Variants in GDF6 observed in about 807,000 individuals in gnomAD.
GDF6 encodes the protein growth differentiation factor 6.
In GDF6, 3 loss-of-function variants were observed where a neutral mutation model predicts 32.4. The ratio of observed to expected loss-of-function variants is 0.09; its 90% CI spans 0.04 to 0.24. The LOEUF (loss-of-function observed/expected upper bound fraction) is 0.24, where lower values mean the gene tolerates loss of function less well. Among genes scored for constraint, GDF6 ranks in the 10% least tolerant of loss-of-function variants. GDF6 has a pLI of 1.00. For missense variants in GDF6, 589 were observed against 637.9 expected, an observed-to-expected ratio of 0.92 and a Z score of 0.83; for synonymous variants, 296 against 295.3, an observed-to-expected ratio of 1.00 and a Z score of -0.03.
intron 1 of GDF6, among the ~76,000 whole-genome samples, chr8:96,157,877 C>T (rs543957889): frequency 5.9e-5 from 9 of 152,244 alleles, no homozygotes; most frequent in Non-Finnish European, 1.3e-4. Context: ...GCCGGTGACA[C>T]ATCAAATCAA....
intron 1 of GDF6, among the ~76,000 whole-genome samples, chr8:96,153,751 G>A (rs1292360748): frequency 6.6e-6 from 1 of 152,156 alleles, no homozygotes; most frequent in African/African-American, 2.4e-5. Flanking sequence ...GGGGGCGAGG[G>A]TTCAAACTGG....
intron 1 of GDF6, among the ~76,000 whole-genome samples, chr8:96,154,661 C>G (rs938611300): frequency 6.6e-6 from 1 of 152,130 alleles, no homozygotes; most frequent in Non-Finnish European, 1.5e-5. Flanking sequence ...GAGGGGTTAT[C>G]GAACTAATGG....
At chr8:96,146,723 GAGAT>G (rs1812492229) in intron 1 of GDF6, among the ~76,000 whole-genome samples, 2 of 140,802 alleles carry the variant, frequency 1.4e-5, no homozygotes, top group Admixed American at 6.9e-5. Context: ...GAGAGAGAGA[GAGAT>G]AGAGAGACTT....
chr8:96,157,666 C>A (rs1405030839), intron 1 of GDF6, among the ~76,000 whole-genome samples: 1 of 152,164 alleles, frequency 6.6e-6, no homozygotes. Context: ...GGGGTTGGCG[C>A]GGTTAAGAGC....
At chr8:96,156,833 G>A (rs1208085723) in intron 1 of GDF6, among the ~76,000 whole-genome samples, 1 of 152,176 alleles carries the variant, frequency 6.6e-6, no homozygotes, top group African/African-American at 2.4e-5. Flanking sequence ...ACAAATATTA[G>A]ACTGGGGGAA....
At position 96,160,397 on chromosome 8, in the gene GDF6, A is replaced by T. The variant is rs779321709; in HGVS notation, c.296T>A (p.Leu99Gln). The change falls in exon 1 of 2, where the codon CTG becomes CAG. Residue 99 changes from leucine to glutamine, a missense_variant. Transcript: ENST00000287020. ...GATGGAGTAAGTCCTGTAGATTGAC[A>T]GCATGTACTCGTGGGGCACCACGCG... ...GPRVVPHEYM[L>Q]SIYRTYSIAE... 1 of 1,614,188 alleles carries T rather than the reference A, an allele frequency of 6.2e-7. No individual in the cohort carries two copies. Among genetic ancestry groups the T allele is most frequent in the South Asian group, 1.1e-5 (1 of 91,090 alleles).
chr8:96,144,683 C>G lies in GDF6; in HGVS notation c.1248G>C (p.Pro416=), dbSNP rs1358569869. ...LMNSMDPGST[P]PSCCVPTKLT... is the part of the protein sequence containing the mutation. ...ATTTGGTGGGCACGCAGCAGCTGGG[C>G]GGGGTGGAGCCGGGGTCCATGGAGT... is the stretch of plus-strand genomic sequence containing the variant. The change falls in exon 2 of 2, where the codon CCG becomes CCC. Residue 416 remains proline, a synonymous_variant. Transcript: ENST00000287020. This position sits in a 1 kb window ranked among gnomAD's most constrained non-coding sequence, Gnocchi z 5.1. 6.2e-7 allele frequency: 1 copy of G among 1,613,986 alleles called. No individual in the cohort carries two copies. Among genetic ancestry groups the G allele is most frequent in the Non-Finnish European group, 8.5e-7 (1 of 1,180,022 alleles).
Position 96,160,588 on chromosome 8 carries a change from G to T in GDF6, c.105C>A (p.Ala35=). 5.0e-6 allele frequency: 8 copies of T among 1,613,704 alleles called. No homozygotes were observed. The highest frequency in any genetic ancestry group is 6.8e-6 in the Non-Finnish European group (8 of 1,179,730). ...QASISSSSSS[A]ELGSTKGMRS... ...GCATGCCCTTGGTGGAACCCAGCTCGGCGGACGACGAGGAGGATGAGATGG... is the reference window on the plus strand; with the variant it reads ...GCATGCCCTTGGTGGAACCCAGCTCTGCGGACGACGAGGAGGATGAGATGG... The change falls in exon 1 of 2, where the codon GCC becomes GCA. Residue 35 remains alanine, a synonymous_variant. Transcript: ENST00000287020.
Position 96,142,936 on chromosome 8 carries a change from C to T in GDF6, c.*1627G>A, listed in dbSNP as rs1318300977. On this transcript the variant is annotated 3_prime_UTR_variant, in exon 2 of 2. Transcript: ENST00000287020. ...ACTAAAACTTTTTAAAAGGCTGGTACAAATTCCATTGATTAAACAATTTTA... is the reference window on the plus strand; with the variant it reads ...ACTAAAACTTTTTAAAAGGCTGGTATAAATTCCATTGATTAAACAATTTTA... The T allele has an allele frequency of 6.6e-6, 1 of 152,188 alleles. No homozygotes were observed. Among genetic ancestry groups the T allele is most frequent in the Non-Finnish European group, 1.5e-5 (1 of 68,028 alleles). The allele number at this position is 152,188 out of a possible 1,614,324, so 9.4% of individuals were successfully genotyped here.
Position 96,143,480 on chromosome 8 carries a change from G to A in GDF6, c.*1083C>T, listed in dbSNP as rs1812406807. 2.0e-5 allele frequency: 3 copies of A among 152,602 alleles called. No homozygotes were observed. The highest frequency in any genetic ancestry group is 1.9e-4 in the East Asian group (1 of 5,192). 9.5% of individuals were successfully genotyped at this position (152,602 alleles called of 1,614,324 possible). A position where few individuals can be genotyped will look rare whatever the true frequency, so the allele number is the denominator to read the frequency against. The stretch of plus-strand genomic sequence containing the variant: ...CTGATGGGACTCCTTCTACTTCTTG[G>A]TTCCTTTTCCCTCCTTTGTAGCTCT... On this transcript the variant is annotated 3_prime_UTR_variant, in exon 2 of 2. Coordinates refer to ENST00000287020, the MANE Select transcript of GDF6 (RefSeq NM_001001557.4).
Position 96,144,402 on chromosome 8 carries a change from C to T in GDF6, c.*161G>A, listed in dbSNP as rs1256437766. On this transcript the variant is annotated 3_prime_UTR_variant, in exon 2 of 2. Coordinates refer to ENST00000287020, the MANE Select transcript of GDF6 (RefSeq NM_001001557.4). This position sits in a 1 kb window ranked among gnomAD's most constrained non-coding sequence, Gnocchi z 5.1. ...CAGGTAGAAGTTACTGGGAAGGCTG[C>T]GCTCCCTTCTCTCCCACCGGCTCTC... The T allele has an allele frequency of 2.5e-6, 2 of 788,458 alleles. No homozygotes were observed. Among genetic ancestry groups the T allele is most frequent in the East Asian group, 2.7e-5 (1 of 37,134 alleles). 48.8% of individuals were successfully genotyped at this position (788,458 alleles called of 1,614,324 possible).
At chr8:96,155,477 G>C (rs968057806) in intron 1 of GDF6, among the ~76,000 whole-genome samples, 26 of 152,182 alleles carry the variant, frequency 1.7e-4, no homozygotes, top group African/African-American at 5.3e-4. Context: ...CCAATTTAAG[G>C]CTTCTTTCCC....
intron 1 of GDF6, among the ~76,000 whole-genome samples, chr8:96,159,181 C>G (rs886994732): frequency 6.6e-6 from 1 of 152,206 alleles, no homozygotes; most frequent in Admixed American, 6.5e-5. Context: ...GGATATCTGC[C>G]TAAATCGCTT....
chr8:96,145,057 C>G lies in GDF6; in HGVS notation c.874G>C (p.Glu292Gln). The G allele has an allele frequency of 2.7e-6, 4 of 1,496,478 alleles. No homozygotes were observed. Among genetic ancestry groups the G allele is most frequent in the Non-Finnish European group, 3.5e-6 (4 of 1,130,962 alleles). 92.7% of individuals were successfully genotyped at this position (1,496,478 alleles called of 1,614,324 possible). The change falls in exon 2 of 2, where the codon GAG (glutamate) becomes CAG (glutamine). Residue 292 changes from glutamate (E) to glutamine (Q), a missense_variant. Transcript: ENST00000287020. This position sits in a 1 kb window ranked among gnomAD's most constrained non-coding sequence, Gnocchi z 5.6. ...TRSQRKNLFA[E>Q]MREQLGSAEA... ...GCCGAGCCCAGCTGCTCGCGCATCT[C>G]TGCGAACAGGTTCTTGCGCTGGGAT...
At chr8:96,146,895 A>G (rs1812494560) in intron 1 of GDF6, among the ~76,000 whole-genome samples, 1 of 152,190 alleles carries the variant, frequency 6.6e-6, no homozygotes, top group African/African-American at 2.4e-5. Flanking sequence ...CTTCAGAACC[A>G]AGGCAAAACC....
intron 1 of GDF6, among the ~76,000 whole-genome samples, chr8:96,158,890 A>C (rs377421811): frequency 6.6e-6 from 1 of 151,792 alleles, no homozygotes; most frequent in South Asian, 2.1e-4. Context: ...TCAGCAGCTC[A>C]TGAACCTCGC....
intron 1 of GDF6, among the ~76,000 whole-genome samples, chr8:96,152,572 T>G (rs1238904839): frequency 1.3e-5 from 2 of 152,186 alleles, no homozygotes; most frequent in Non-Finnish European, 2.9e-5. Context: ...TGGGGAGGGC[T>G]GCAATGGAGG....
intron 1 of GDF6, among the ~76,000 whole-genome samples, chr8:96,149,477 G>A (rs1306112953): frequency 6.6e-6 from 1 of 152,130 alleles, no homozygotes; most frequent in African/African-American, 2.4e-5. Flanking sequence ...TAAGAAGGAA[G>A]GAACAAACCG....
chr8:96,144,101 G>T lies in GDF6; in HGVS notation c.*462C>A, dbSNP rs1586117681. 2 of 188,340 alleles carry T rather than the reference G, an allele frequency of 1.1e-5. No homozygotes were observed. Among genetic ancestry groups the T allele is most frequent in the East Asian group, 2.8e-4 (2 of 7,056 alleles). 11.7% of individuals were successfully genotyped at this position (188,340 alleles called of 1,614,324 possible). On this transcript the variant is annotated 3_prime_UTR_variant, in exon 2 of 2. Transcript: ENST00000287020. This position sits in a 1 kb window ranked among gnomAD's most constrained non-coding sequence, Gnocchi z 5.1. ...AACCAAATCAAGATGCGTCAACGGT[G>T]ATTCTTCCTCCCACATTGTTTCCCT...
Sources: allele counts gnomAD v4.1 joint callset (sites outside exome capture counted in the v4.1 genomes callset), GRCh38; gene constraint gnomAD v4.1.1; non-coding constraint Gnocchi (gnomAD v3.1); transcripts MANE v1.5; gene names NCBI Gene and HGNC (gene_info 2026-07-23, HGNC 2026-07-21).